ESR2: variants seen among roughly 807,000 people sequenced by gnomAD.
ESR2 encodes estrogen receptor beta.
In ESR2, 36 loss-of-function variants were observed where a neutral mutation model predicts 49.6. The ratio of observed to expected loss-of-function variants is 0.73; its 90% CI spans 0.56 to 0.96. The LOEUF is 0.96. ESR2 is among the 40% of genes least tolerant of loss of function. The pLI, the probability that ESR2 is intolerant of heterozygous loss-of-function variation, is 0.00. For missense variants in ESR2, 714 were observed against 693.0 expected (o/e 1.03, Z -0.34); for synonymous variants, 320 against 266.1 (o/e 1.20, Z -1.97).
chr14:64,269,182 C>A (rs2076390043), intron 3 of ESR2, among the ~76,000 whole-genome samples: 1 of 152,130 alleles, frequency 6.6e-6, no homozygotes, highest in Non-Finnish European at 1.5e-5. Flanking sequence ...AAAAATATAT[C>A]CTTTGGATGT....
intron 1 of ESR2, among the ~76,000 whole-genome samples, chr14:64,305,922 A>G (rs1023692842): frequency 1.3e-4 from 20 of 150,486 alleles, no homozygotes; most frequent in African/African-American, 4.6e-4. Flanking sequence ...GGGACTACAG[A>G]AAAATAGGCC....
intron 4 of ESR2, among the ~76,000 whole-genome samples, chr14:64,264,424 T>G (rs1001743333): frequency 6.6e-6 from 1 of 152,136 alleles, no homozygotes; most frequent in East Asian, 1.9e-4. Context: ...CTAAGGTCAA[T>G]TATACACCCA....
chr14:64,279,737 T>C (rs1339058719), intron 3 of ESR2, among the ~76,000 whole-genome samples: 1 of 152,224 alleles, frequency 6.6e-6, no homozygotes, highest in East Asian at 1.9e-4. Context: ...CCAACACCCA[T>C]GTGGGTGAAC....
chr14:64,298,838 T>G (rs1463400053), upstream of ESR2, among the ~76,000 whole-genome samples: 1 of 152,186 alleles, frequency 6.6e-6, no homozygotes, highest in African/African-American at 2.4e-5. Flanking sequence ...ACAAATCCCT[T>G]GCATACCTTA....
At chr14:64,317,814 A>G (rs2077275892) in intron 1 of ESR2, among the ~76,000 whole-genome samples, 1 of 152,198 alleles carries the variant, frequency 6.6e-6, no homozygotes, top group Non-Finnish European at 1.5e-5. Context: ...ACCACTCATA[A>G]AAATAAACTC....
At chr14:64,252,990 G>A (rs1294192280) in intron 6 of ESR2, among the ~76,000 whole-genome samples, 1 of 151,864 alleles carries the variant, frequency 6.6e-6, no homozygotes, top group African/African-American at 2.4e-5. Context: ...CATGTAGCTG[G>A]GATTACAGGC....
intron 4 of ESR2, among the ~76,000 whole-genome samples, chr14:64,266,467 T>C (rs914281167): frequency 7.9e-5 from 12 of 152,242 alleles, no homozygotes; most frequent in African/African-American, 2.9e-4. Flanking sequence ...ATACACTGCC[T>C]TGAGCCATGA....
chr14:64,270,513 TA>T (rs2076419641), intron 3 of ESR2, among the ~76,000 whole-genome samples: 1 of 151,826 alleles, frequency 6.6e-6, no homozygotes, highest in Non-Finnish European at 1.5e-5. Context: ...AATGAAAAGG[TA>T]ATTTTTTTTT....
chr14:64,276,865 T>C (rs2076567589), intron 3 of ESR2, among the ~76,000 whole-genome samples: 2 of 152,164 alleles, frequency 1.3e-5, no homozygotes, highest in Admixed American at 6.5e-5. Flanking sequence ...CCAATTAATT[T>C]TGAAAAATCA....
At chr14:64,287,588 T>G (rs1169420184) in intron 1 of ESR2, among the ~76,000 whole-genome samples, 1 of 152,186 alleles carries the variant, frequency 6.6e-6, no homozygotes, top group Non-Finnish European at 1.5e-5. Context: ...AGGTACTTGG[T>G]AGCCAATGCA....
At chr14:64,280,525 T>C (rs139463139) in intron 2 of ESR2, among the ~76,000 whole-genome samples, 69 of 152,288 alleles carry the variant, frequency 4.5e-4, no homozygotes, top group Non-Finnish European at 8.5e-4. Context: ...ACAGGCAGGA[T>C]ATGCATTGGT....
At chr14:64,277,353 C>T (rs866474527) in intron 3 of ESR2, among the ~76,000 whole-genome samples, 2 of 152,042 alleles carry the variant, frequency 1.3e-5, no homozygotes, top group African/African-American at 2.4e-5. Context: ...GGGCCAGGTG[C>T]GGTGGCTCAC....
chr14:64,309,134 A>T (rs966830757), intron 1 of ESR2, among the ~76,000 whole-genome samples: 1 of 152,200 alleles, frequency 6.6e-6, no homozygotes, highest in African/African-American at 2.4e-5. Flanking sequence ...TATTATTGCC[A>T]GATTCTTCTG....
intron 7 of ESR2, among the ~76,000 whole-genome samples, chr14:64,245,671 G>A (rs1260284291): frequency 6.6e-6 from 1 of 152,126 alleles, no homozygotes; most frequent in Non-Finnish European, 1.5e-5. Context: ...GGGGAATGCT[G>A]TAGCCTTCAT....
chr14:64,323,732 C>T (rs1254224936), intron 1 of ESR2, among the ~76,000 whole-genome samples: 1 of 152,168 alleles, frequency 6.6e-6, no homozygotes, highest in African/African-American at 2.4e-5. Context: ...TGCTCTGTCG[C>T]CTAAGCTGGA....
Position 64,229,596 on chromosome 14 carries a change from A to T in ESR2, c.*3541T>A, listed in dbSNP as rs1003885143. ...TGCACCTGATAGATTCTGCAGTTTT[A>T]AAATATTTTTCTTTAAATTTTTAAA... On this transcript the variant is annotated 3_prime_UTR_variant, in exon 9 of 9. Transcript: ENST00000341099. Among the ~76,000 whole-genome samples the T allele has an allele frequency of 4.6e-5, 7 of 152,164 alleles. No homozygotes were observed. The highest frequency in any genetic ancestry group is 1.7e-4 in the African/African-American group (7 of 41,432).
At chr14:64,242,444 C>A (rs570535969) in intron 7 of ESR2, among the ~76,000 whole-genome samples, 88 of 121,476 alleles carry the variant, frequency 7.2e-4, no homozygotes, top group African/African-American at 1.1e-3. Context: ...AACAAACAAA[C>A]AAAAAAAATA....
chr14:64,289,772 C>A (rs1043499857), intron 1 of ESR2, among the ~76,000 whole-genome samples: 4 of 152,138 alleles, frequency 2.6e-5, no homozygotes, highest in Admixed American at 2.0e-4. Flanking sequence ...CCTGCCAACA[C>A]TGTGTGTGTG....
At chr14:64,320,108 C>T (rs1036584278) in intron 1 of ESR2, among the ~76,000 whole-genome samples, 11 of 151,856 alleles carry the variant, frequency 7.2e-5, no homozygotes, top group Non-Finnish European at 1.3e-4. Context: ...AAAAAAAATG[C>T]TTTTTATTCA....
Sources: allele counts gnomAD v4.1 joint callset (sites outside exome capture counted in the v4.1 genomes callset), GRCh38; gene constraint gnomAD v4.1.1; transcripts MANE v1.5; gene names NCBI Gene and HGNC (gene_info 2026-07-23, HGNC 2026-07-21).